PARG: variants seen among roughly 807,000 people sequenced by gnomAD.
The protein encoded by PARG is mitochondrial poly(ADP-ribose) glycohydrolase.
Under a neutral mutation model 113.0 loss-of-function variants are expected in PARG, and 35 were observed. The ratio of observed to expected loss-of-function variants is 0.31; its 90% confidence interval spans 0.24 to 0.41. The LOEUF (loss-of-function observed/expected upper bound fraction) is 0.41, where lower values mean the gene tolerates loss of function less well. PARG is among the 10% of genes least tolerant of loss of function. The probability of loss-of-function intolerance (pLI) is 1.00; values close to 1 mark genes in which losing one functional copy is unlikely to be tolerated. For synonymous variants in PARG, 330 were observed against 409.9 expected (o/e 0.81, Z 2.36); for missense variants, 797 against 1,169.4 (o/e 0.68, Z 4.64).
Position 49,934,041 on chromosome 10 carries a change from T to C in PARG, c.407A>G (p.Lys136Arg). The C allele has an allele frequency of 2.5e-6, 4 of 1,607,184 alleles. No individual in the cohort carries two copies. The highest frequency in any genetic ancestry group is 3.4e-6 in the Non-Finnish European group (4 of 1,173,604). ...CTGTGTACTTTTTTCAGTGGGTGAC[T>C]TATCAAGACTTAGCTGAGAAACATT... ...LENVSQLSLD[K>R]SPTEKSTQYL... Residue 136 changes from lysine to arginine, a missense_variant, in exon 3 of 18, where the codon AAG (lysine) becomes AGG (arginine). Physicochemically the swap from Lys to Arg is conservative, Grantham distance 26. This residue lies in a region of PARG where 284 missense variants were observed against 306.1 expected (regional missense o/e 0.93). Coordinates refer to ENST00000616448, the MANE Select transcript of PARG (RefSeq NM_003631.5).
intron 1 of PARG, among the ~76,000 whole-genome samples, chr10:49,938,239 CA>C (rs1838841356): frequency 6.6e-6 from 1 of 152,058 alleles, no homozygotes; most frequent in Non-Finnish European, 1.5e-5. Flanking sequence ...GGATCAATTA[CA>C]AAGCAAAAAT....
At chr10:49,833,588 T>C (rs966180937) in intron 15 of PARG, among the ~76,000 whole-genome samples, 1 of 152,240 alleles carries the variant, frequency 6.6e-6, no homozygotes. Flanking sequence ...AAGTACAATA[T>C]ATTCTGAAGA....
intron 4 of PARG, among the ~76,000 whole-genome samples, chr10:49,927,374 GAAAGAAAGAAA>G (rs1838246074): frequency 4.9e-5 from 1 of 20,546 alleles, no homozygotes; most frequent in Non-Finnish European, 3.0e-4. Context: ...AAGAAGGAAA[GAAAGAAAGAAA>G]GAAAGAAAGA....
At chr10:49,819,518 G>A in intron 17 of PARG, 24 bp from the exon 18 acceptor site, 1 of 1,536,528 alleles carries the variant, frequency 6.5e-7, no homozygotes, top group Non-Finnish European at 8.8e-7. Flanking sequence ...GGTCAGACCA[G>A]AGGCACATTA....
At chr10:49,864,958 C>A in intron 11 of PARG, among the ~76,000 whole-genome samples, 1 of 141,904 alleles carries the variant, frequency 7.0e-6, no homozygotes. Flanking sequence ...AAAGAAAAGC[C>A]ATAAAGTTCA....
chr10:49,840,967 C>G (rs993389032), intron 15 of PARG, among the ~76,000 whole-genome samples: 1 of 152,158 alleles, frequency 6.6e-6, no homozygotes. Context: ...AAGAAAATCT[C>G]TAGGCTGGGC....
intron 13 of PARG, among the ~76,000 whole-genome samples, chr10:49,848,622 C>T (rs1188544605): frequency 1.3e-5 from 2 of 150,134 alleles, no homozygotes; most frequent in Non-Finnish European, 3.0e-5. Flanking sequence ...TGAAGCATTC[C>T]TTGACACCAT....
intron 15 of PARG, among the ~76,000 whole-genome samples, chr10:49,839,778 G>T (rs1339613606): frequency 6.6e-6 from 1 of 152,200 alleles, no homozygotes; most frequent in Non-Finnish European, 1.5e-5. Context: ...GGAGTATACA[G>T]TTCATTCATA....
chr10:49,885,634 G>C (rs2132654220), intron 7 of PARG, among the ~76,000 whole-genome samples: 1 of 152,288 alleles, frequency 6.6e-6, no homozygotes, highest in South Asian at 2.1e-4. Context: ...TCTGCCCTTG[G>C]TTGTATCAAC....
intron 10 of PARG, among the ~76,000 whole-genome samples, chr10:49,865,612 T>C (rs1846469833): frequency 6.9e-6 from 1 of 145,366 alleles, no homozygotes; most frequent in Non-Finnish European, 1.5e-5. Context: ...TATAAAATAA[T>C]AAGACTTCAC....
intron 7 of PARG, among the ~76,000 whole-genome samples, chr10:49,897,390 G>A (rs1588959182): frequency 6.6e-6 from 1 of 152,224 alleles, no homozygotes. Context: ...ATCTCCCTGG[G>A]AAGCCTTCAC....
Position 49,832,793 on chromosome 10 carries a change from A to T in PARG, c.2647+10T>A. ...GCAGAATGCTTTTATCCTTTTCTACAACAACTTACCTTTTAACCTGGCATC... is the reference window on the plus strand; with the variant it reads ...GCAGAATGCTTTTATCCTTTTCTACTACAACTTACCTTTTAACCTGGCATC... On this transcript the variant is annotated intron_variant, in intron 16 of 17. Coordinates refer to ENST00000616448, the MANE Select transcript of PARG (RefSeq NM_003631.5). 1 of 1,494,202 alleles carries T rather than the reference A, an allele frequency of 6.7e-7. No homozygotes were observed. The highest frequency in any genetic ancestry group is 9.1e-7 in the Non-Finnish European group (1 of 1,097,308). The allele number at this position is 1,494,202 out of a possible 1,614,324, so 92.6% of individuals were successfully genotyped here.
At chr10:49,856,523 CA>C (rs1388215053) in intron 13 of PARG, among the ~76,000 whole-genome samples, 1 of 152,194 alleles carries the variant, frequency 6.6e-6, no homozygotes, top group Non-Finnish European at 1.5e-5. Flanking sequence ...ATAGGGTAAA[CA>C]AAAGGTTACT....
intron 7 of PARG, among the ~76,000 whole-genome samples, chr10:49,902,902 G>A (rs1264413348): frequency 2.0e-5 from 3 of 151,234 alleles, no homozygotes. Flanking sequence ...GCGCGATCTC[G>A]GCTCACTGCA....
At chr10:49,876,533 G>A (rs1320730241) in intron 9 of PARG, among the ~76,000 whole-genome samples, 1 of 152,028 alleles carries the variant, frequency 6.6e-6, no homozygotes. Context: ...AAACGTCATG[G>A]TGCTGTGCAC....
At chr10:49,906,330 G>A (rs557949333) in intron 7 of PARG, among the ~76,000 whole-genome samples, 3 of 151,990 alleles carry the variant, frequency 2.0e-5, no homozygotes, top group South Asian at 4.2e-4. Context: ...CATTAAGGCC[G>A]CCTTCTGCTA....
At chr10:49,935,182 T>C in intron 1 of PARG, 40 bp from the exon 2 acceptor site, 1 of 695,220 alleles carries the variant, frequency 1.4e-6, no homozygotes. Flanking sequence ...CCTTCAAATA[T>C]AAAACATATA....
chr10:49,820,174 G>GT lies in PARG; in HGVS notation c.2766dup (p.Leu923ThrfsTer8). On this transcript the variant is annotated frameshift_variant, in exon 17 of 18. Coordinates refer to ENST00000616448, the MANE Select transcript of PARG (RefSeq NM_003631.5). LOFTEE classifies it high-confidence loss of function. Reference sequence around the variant, plus strand: ...AGTATCTCCTACTTACCAACAGTGAGTTTCCTTTCAGTAAGGAAAATGTGC... The same window carrying GT: ...AGTATCTCCTACTTACCAACAGTGAGTTTTCCTTTCAGTAAGGAAAATGTGC... 5 of 1,544,610 alleles carry GT rather than the reference G, an allele frequency of 3.2e-6. No homozygotes were observed. Among genetic ancestry groups the GT allele is most frequent in the Non-Finnish European group, 4.4e-6 (5 of 1,140,738 alleles).
chr10:49,910,215 C>A lies in PARG; in HGVS notation c.1737+5702G>T, dbSNP rs546421100. 1.5e-3 allele frequency among the ~76,000 whole-genome samples: 231 copies of A among 152,024 alleles called. 1 individual carries two copies. The highest frequency in any genetic ancestry group is 5.3e-3 in the African/African-American group (221 of 41,412). On this transcript the variant is annotated intron_variant, in intron 7 of 17. Coordinates refer to ENST00000616448, the MANE Select transcript of PARG (RefSeq NM_003631.5). ...TTTAAACAGTCTTTCTCTGACAAGT[C>A]ATAGGACAAGAGATGATAGGAGAAT... is the stretch of plus-strand genomic sequence containing the variant.
Sources: allele counts gnomAD v4.1 joint callset (sites outside exome capture counted in the v4.1 genomes callset), GRCh38; gene constraint gnomAD v4.1.1; regional missense constraint gnomAD v4.1.1; transcripts MANE v1.5; gene names NCBI Gene and HGNC (gene_info 2026-07-23, HGNC 2026-07-21).